TSNARE1: variants seen among roughly 807,000 people sequenced by gnomAD.
TSNARE1 encodes t-SNARE domain containing 1.
In TSNARE1, 49 loss-of-function variants were observed where a neutral mutation model predicts 62.0. The ratio of observed to expected loss-of-function variants is 0.79; its 90% CI spans 0.63 to 1.00. TSNARE1 has a LOEUF of 1.00. TSNARE1 is among the 50% of genes least tolerant of loss of function. The pLI, the probability that TSNARE1 is intolerant of heterozygous loss-of-function variation, is 0.00. For synonymous variants in TSNARE1, 328 were observed against 294.4 expected (o/e 1.11, Z -1.17); for missense variants, 755 against 700.1 (o/e 1.08, Z -0.88).
intron 10 of TSNARE1, among the ~76,000 whole-genome samples, chr8:142,288,757 G>A (rs912360139): frequency 1.7e-4 from 26 of 152,264 alleles, no homozygotes; most frequent in African/African-American, 6.3e-4. Context: ...CAGAGAAGCA[G>A]CAGGAGCAGT....
chr8:142,351,597 A>C (rs1039034172), intron 2 of TSNARE1, among the ~76,000 whole-genome samples: 1 of 152,246 alleles, frequency 6.6e-6, no homozygotes, highest in Non-Finnish European at 1.5e-5. Flanking sequence ...AAAGCTCCAG[A>C]GTGCGACAGG....
chr8:142,336,738 G>A (rs904792589), intron 4 of TSNARE1, among the ~76,000 whole-genome samples: 5 of 152,294 alleles, frequency 3.3e-5, no homozygotes, highest in African/African-American at 1.2e-4. Flanking sequence ...AACGCACGTG[G>A]AACATTCACT....
intron 1 of TSNARE1, among the ~76,000 whole-genome samples, chr8:142,361,742 A>G (rs1441606284): frequency 6.6e-6 from 1 of 152,150 alleles, no homozygotes; most frequent in East Asian, 1.9e-4. Context: ...AATGAACCTC[A>G]GGCGAGCTCC....
At chr8:142,387,202 A>G (rs1321419115) in intron 1 of TSNARE1, among the ~76,000 whole-genome samples, 5 of 152,240 alleles carry the variant, frequency 3.3e-5, no homozygotes, top group African/African-American at 1.2e-4. Flanking sequence ...TTGCTCCTGA[A>G]AAACTCTCGA....
chr8:142,249,393 C>A lies in TSNARE1; in HGVS notation c.1447-19814G>T, dbSNP rs1011714686. ...GCGTGTGTGAGAGGTGGGCCTGGGG[C>A]CCAGCCCTGACCCAGCAGGAGGTGG... On this transcript the variant is annotated intron_variant, in intron 12 of 13. Coordinates refer to ENST00000524325, the MANE Select transcript of TSNARE1 (RefSeq NM_145003.5). Among the ~76,000 whole-genome samples, 16 of 152,176 alleles carry A rather than the reference C, an allele frequency of 1.1e-4. No homozygotes were observed. The East Asian group carries it at 3.1e-3, about 30-fold the overall frequency.
intron 12 of TSNARE1, among the ~76,000 whole-genome samples, chr8:142,256,316 C>CCAT (rs1818554318): frequency 2.4e-5 from 1 of 41,002 alleles, no homozygotes; most frequent in Non-Finnish European, 5.2e-5. Context: ...ACCATCATCA[C>CCAT]CACCATCACC....
chr8:142,251,694 G>A lies in TSNARE1; in HGVS notation c.1447-22115C>T, dbSNP rs1459111761. Reference sequence around the variant, plus strand: ...TGGGCACCATATACCCACCGCCCGCGTTCTCTATCTGCAGGGCCCGGGCAC... The same window carrying A: ...TGGGCACCATATACCCACCGCCCGCATTCTCTATCTGCAGGGCCCGGGCAC... On this transcript the variant is annotated intron_variant, in intron 12 of 13. Transcript: ENST00000524325. Among the ~76,000 whole-genome samples the A allele has an allele frequency of 4.0e-5, 6 of 151,870 alleles. No individual in the cohort carries two copies. The East Asian group carries it at 5.8e-4, about 15-fold the overall frequency.
intron 6 of TSNARE1, among the ~76,000 whole-genome samples, chr8:142,320,718 T>C (rs1251610296): frequency 6.6e-6 from 1 of 152,222 alleles, no homozygotes; most frequent in Non-Finnish European, 1.5e-5. Context: ...CTGTCTGTGG[T>C]CACGCTGCCA....
intron 1 of TSNARE1, among the ~76,000 whole-genome samples, chr8:142,392,188 T>C (rs536988497): frequency 4.6e-5 from 7 of 152,240 alleles, no homozygotes; most frequent in African/African-American, 1.7e-4. Flanking sequence ...CATGCCCGGC[T>C]AATTTTTGCA....
At chr8:142,231,898 C>T (rs1413021974) in intron 12 of TSNARE1, among the ~76,000 whole-genome samples, 2 of 152,246 alleles carry the variant, frequency 1.3e-5, no homozygotes, top group Admixed American at 6.5e-5. Flanking sequence ...TACCTGTGCC[C>T]TGTATGTGCC....
intron 9 of TSNARE1, among the ~76,000 whole-genome samples, chr8:142,313,231 T>A (rs1360863545): frequency 6.6e-6 from 1 of 152,226 alleles, no homozygotes; most frequent in African/African-American, 2.4e-5. Context: ...TCTGTGTTTA[T>A]CTGCATGTGT....
At position 142,357,116 on chromosome 8, in the gene TSNARE1, G is replaced by A. The variant is rs555342441; in HGVS notation, c.-39-2353C>T. Among the ~76,000 whole-genome samples, 21 of 152,318 alleles carry A rather than the reference G, an allele frequency of 1.4e-4. No individual in the cohort carries two copies. In the South Asian group the frequency reaches 3.1e-3, roughly 23 times the overall value. Reference sequence around the variant, plus strand: ...GCCCTGCACAGGCACTTCTCCATCCGAGGAAGGAGAGTTCCAGAAAGAAGG... The same window carrying A: ...GCCCTGCACAGGCACTTCTCCATCCAAGGAAGGAGAGTTCCAGAAAGAAGG... On this transcript the variant is annotated intron_variant, in intron 1 of 13. Coordinates refer to ENST00000524325, the MANE Select transcript of TSNARE1 (RefSeq NM_145003.5).
intron 13 of TSNARE1, among the ~76,000 whole-genome samples, chr8:142,213,727 C>T (rs1177495745): frequency 1.3e-5 from 2 of 152,106 alleles, no homozygotes; most frequent in Non-Finnish European, 2.9e-5. Context: ...AGCAGGGAGG[C>T]GAGGGGAGGG....
chr8:142,340,377 A>G (rs1832413467), intron 4 of TSNARE1, among the ~76,000 whole-genome samples: 1 of 152,168 alleles, frequency 6.6e-6, no homozygotes. Flanking sequence ...ACTCACAGGA[A>G]ACGTCCAGAA....
chr8:142,235,664 G>T (rs1210597180), intron 12 of TSNARE1, among the ~76,000 whole-genome samples: 1 of 152,142 alleles, frequency 6.6e-6, no homozygotes, highest in Non-Finnish European at 1.5e-5. Context: ...ATTGAAATGG[G>T]CGCATTCTGC....
At chr8:142,225,803 C>T (rs1031794165) in intron 13 of TSNARE1, among the ~76,000 whole-genome samples, 7 of 152,236 alleles carry the variant, frequency 4.6e-5, no homozygotes, top group East Asian at 1.9e-4. Flanking sequence ...AACCAAGTAC[C>T]GTATGCGGGC....
intron 1 of TSNARE1, among the ~76,000 whole-genome samples, chr8:142,387,095 A>G (rs1277525388): frequency 4.6e-5 from 7 of 152,244 alleles, no homozygotes; most frequent in South Asian, 4.1e-4. Flanking sequence ...GAAGTTCAAG[A>G]GGGAATAGTC....
At chr8:142,290,074 G>A (rs942470416) in intron 10 of TSNARE1, among the ~76,000 whole-genome samples, 4 of 152,232 alleles carry the variant, frequency 2.6e-5, no homozygotes, top group Admixed American at 6.5e-5. Flanking sequence ...CGGGGCAGGC[G>A]CAGCTCCACT....
chr8:142,212,989 C>A (rs1428099500), intron 13 of TSNARE1, among the ~76,000 whole-genome samples: 3 of 78,516 alleles, frequency 3.8e-5, no homozygotes, highest in Non-Finnish European at 7.9e-5. Context: ...TCCTTCTCTC[C>A]AATCCTTCCT....
Sources: gnomAD v4.1 joint callset for allele counts (sites outside exome capture counted in the v4.1 genomes callset) on GRCh38, gnomAD v4.1.1 for gene constraint, MANE v1.5 for transcripts, NCBI Gene and HGNC (gene_info 2026-07-23, HGNC 2026-07-21) for gene names.